The following IPP variants were observed in gnomAD, a reference collection of about 807,000 sequenced individuals.
IPP encodes actin-binding protein IPP.
Under a neutral mutation model 64.1 loss-of-function variants are expected in IPP, and 41 were observed. The observed-to-expected ratio is 0.64, with a 90% confidence interval of 0.50 to 0.83. The LOEUF (loss-of-function observed/expected upper bound fraction) is 0.83, where lower values mean the gene tolerates loss of function less well. Ranked by LOEUF, IPP falls within the 40% of genes least tolerant of loss-of-function variation. The probability of loss-of-function intolerance (pLI) is 0.00; values close to 1 mark genes in which losing one functional copy is unlikely to be tolerated. For synonymous variants in IPP, 214 were observed against 235.2 expected, an observed-to-expected ratio of 0.91 and a Z score of 0.83; for missense variants, 649 against 703.0, an observed-to-expected ratio of 0.92 and a Z score of 0.87.
intron 5 of IPP, among the ~76,000 whole-genome samples, chr1:45,724,371 C>G (rs1215129401): frequency 1.3e-5 from 2 of 151,864 alleles, no homozygotes; most frequent in Admixed American, 6.6e-5. Flanking sequence ...TCCCAAAGAG[C>G]CGAGATTGCA....
At chr1:45,715,194 C>CA (rs199978194) in intron 7 of IPP, among the ~76,000 whole-genome samples, 1,236 of 102,786 alleles carry the variant, frequency 0.012, 12 homozygotes, top group African/African-American at 0.034. Flanking sequence ...GACCTTCTCT[C>CA]AAAAAAAAAA....
At chr1:45,726,352 G>C (rs1456303029) in intron 5 of IPP, among the ~76,000 whole-genome samples, 1 of 152,032 alleles carries the variant, frequency 6.6e-6, no homozygotes, top group East Asian at 1.9e-4. Flanking sequence ...CAGCTACAGA[G>C]GAGGCTGAGG....
chr1:45,702,710 C>A (rs561302377), intron 8 of IPP, among the ~76,000 whole-genome samples: 1 of 152,164 alleles, frequency 6.6e-6, no homozygotes, highest in Non-Finnish European at 1.5e-5. Context: ...CCACCTCAGC[C>A]TCCCAAAGTG....
intron 8 of IPP, among the ~76,000 whole-genome samples, chr1:45,707,681 G>C (rs1430409001): frequency 6.6e-6 from 1 of 152,128 alleles, no homozygotes; most frequent in Non-Finnish European, 1.5e-5. Flanking sequence ...GAAGCATAGA[G>C]AGAAAAGAGT....
At position 45,716,327 on chromosome 1, in the gene IPP, C is replaced by T. The variant is rs375994894; in HGVS notation, c.1309+568G>A. 4.1e-4 allele frequency among the ~76,000 whole-genome samples: 63 copies of T among 152,316 alleles called. 1 individual carries two copies. In the South Asian group the frequency reaches 0.012, roughly 30 times the overall value. ...GTGGCACCATCTCGCTCACTGCAAC[C>T]TCTGCCTCCTGGGTTCAAGCAATTA... On this transcript the variant is annotated intron_variant, in intron 7 of 8. Transcript: ENST00000396478.
intron 8 of IPP, among the ~76,000 whole-genome samples, chr1:45,709,053 A>AAAT (rs1488300126): frequency 6.8e-6 from 1 of 146,674 alleles, no homozygotes; most frequent in African/African-American, 2.5e-5. Context: ...AAAAAAAAAA[A>AAAT]GGAGAAAAAA....
At chr1:45,741,510 TA>T (rs1646065815) in intron 2 of IPP, among the ~76,000 whole-genome samples, 178 bp from the exon 3 acceptor site, 1 of 152,046 alleles carries the variant, frequency 6.6e-6, no homozygotes, top group African/African-American at 2.4e-5. Context: ...TAACGATACC[TA>T]ACACATTTAT....
chr1:45,744,404 G>A (rs1646107051), intron 2 of IPP, among the ~76,000 whole-genome samples: 1 of 151,840 alleles, frequency 6.6e-6, no homozygotes, highest in Admixed American at 6.6e-5. Flanking sequence ...TTTATTCAGA[G>A]ATGGGGTCTC....
At chr1:45,725,400 G>C (rs1337793795) in intron 5 of IPP, among the ~76,000 whole-genome samples, 1 of 146,132 alleles carries the variant, frequency 6.8e-6, no homozygotes, top group Non-Finnish European at 1.5e-5. Context: ...GCCTCTGCCC[G>C]GCCGCCCCTA....
At position 45,748,843 on chromosome 1, in the gene IPP, G is replaced by A. The variant is rs1182859839; in HGVS notation, c.-51+1754C>T. The stretch of plus-strand genomic sequence containing the variant: ...AAAAATTACCCAGTCATGGTGGTGG[G>A]CGCCTGTAATCCCAGTGACGTGGGC... On this transcript the variant is annotated intron_variant, in intron 1 of 8. Coordinates refer to ENST00000396478, the MANE Select transcript of IPP (RefSeq NM_005897.3). Among the ~76,000 whole-genome samples the A allele has an allele frequency of 2.6e-5, 4 of 151,880 alleles. No individual in the cohort carries two copies. In the South Asian group the frequency reaches 6.2e-4, roughly 24 times the overall value.
intron 8 of IPP, 90 bp downstream of exon 8, chr1:45,714,156 T>C (rs1645627228): frequency 1.1e-6 from 1 of 934,916 alleles, no homozygotes; most frequent in East Asian, 2.5e-5. Flanking sequence ...GAATGATCAA[T>C]ATCATGAGTG....
chr1:45,746,461 C>T lies in IPP; in HGVS notation c.-50G>A. On this transcript the variant is annotated splice_region_variant and 5_prime_UTR_variant, in exon 2 of 9. Transcript: ENST00000396478. ...ACTGTTGCCCATAATCTGTTACTAC[C>T]CTGAAAAACAAAATACAAAGAGATC... 4.9e-6 allele frequency: 7 copies of T among 1,441,496 alleles called. No homozygotes were observed. Among genetic ancestry groups the T allele is most frequent in the Non-Finnish European group, 6.7e-6 (7 of 1,052,166 alleles). 89.3% of individuals were successfully genotyped at this position (1,441,496 alleles called of 1,614,324 possible).
intron 2 of IPP, 144 bp downstream of exon 2, chr1:45,745,976 G>A (rs1311174515): frequency 1.1e-5 from 7 of 617,492 alleles, no homozygotes; most frequent in Middle Eastern, 4.4e-4. Context: ...AAGGAGCACC[G>A]GGTCATAAGA....
chr1:45,726,926 A>G (rs1645836358), intron 5 of IPP, among the ~76,000 whole-genome samples: 1 of 152,032 alleles, frequency 6.6e-6, no homozygotes, highest in African/African-American at 2.4e-5. Flanking sequence ...AGGTTTCACC[A>G]TGTTGGCCAG....
At chr1:45,725,015 T>TG (rs1257663845) in intron 5 of IPP, among the ~76,000 whole-genome samples, 11 of 73,156 alleles carry the variant, frequency 1.5e-4, no homozygotes, top group Non-Finnish European at 2.8e-4. Context: ...AGGTGGGAGG[T>TG]GGGGGGGTCA....
At chr1:45,719,124 C>G (rs1645698436) in intron 6 of IPP, 79 bp downstream of exon 6, 1 of 1,340,934 alleles carries the variant, frequency 7.5e-7, no homozygotes, top group Admixed American at 1.8e-5. Flanking sequence ...AATATATATA[C>G]CTATTATGTA....
chr1:45,711,355 A>G (rs1353551730), intron 8 of IPP, among the ~76,000 whole-genome samples: 1 of 152,066 alleles, frequency 6.6e-6, no homozygotes, highest in Non-Finnish European at 1.5e-5. Flanking sequence ...CAAAAAACAA[A>G]AAAAACCAGA....
intron 8 of IPP, among the ~76,000 whole-genome samples, chr1:45,700,940 A>G (rs532379010): frequency 7.2e-4 from 109 of 152,346 alleles, no homozygotes; most frequent in Non-Finnish European, 1.2e-3. Flanking sequence ...CACAGCATGG[A>G]ACACCTGACA....
intron 5 of IPP, among the ~76,000 whole-genome samples, chr1:45,721,295 C>G (rs1645727413): frequency 6.6e-6 from 1 of 152,228 alleles, no homozygotes; most frequent in African/African-American, 2.4e-5. Flanking sequence ...TGTGCTTAAA[C>G]TGTACAAACA....
Sources: gnomAD v4.1 joint callset for allele counts (sites outside exome capture counted in the v4.1 genomes callset) on GRCh38, gnomAD v4.1.1 for gene constraint, MANE v1.5 for transcripts, NCBI Gene and HGNC (gene_info 2026-07-23, HGNC 2026-07-21) for gene names.